The following FBXL20 variants were observed in gnomAD, a reference collection of about 807,000 sequenced individuals.
The protein encoded by FBXL20 is F-box/LRR-repeat protein 20.
Under a neutral mutation model 64.0 loss-of-function variants are expected in FBXL20, and 11 were observed. That is an observed-to-expected ratio of 0.17 (90% CI 0.11 to 0.28). The LOEUF (loss-of-function observed/expected upper bound fraction) is 0.28. Among genes scored for constraint, FBXL20 ranks in the 10% least tolerant of loss-of-function variants. The probability of loss-of-function intolerance (pLI) is 1.00; values close to 1 mark genes in which losing one functional copy is unlikely to be tolerated. For missense variants in FBXL20, 303 were observed against 526.2 expected (o/e 0.58, Z 4.15); for synonymous variants, 184 against 189.0 (o/e 0.97, Z 0.22).
chr17:39,264,520 G>T, intron 13 of FBXL20, 133 bp from the exon 14 acceptor site: 1 of 897,148 alleles, frequency 1.1e-6, no homozygotes, highest in Non-Finnish European at 1.7e-6. Flanking sequence ...AGATCCACGT[G>T]GTGAAATTTA....
At chr17:39,388,255 G>C (rs2048100978) in intron 1 of FBXL20, among the ~76,000 whole-genome samples, 1 of 151,996 alleles carries the variant, frequency 6.6e-6, no homozygotes, top group South Asian at 2.1e-4. Flanking sequence ...TCAGGAGTTT[G>C]AGACCAGCCT....
At chr17:39,269,071 G>A (rs113912217) in intron 11 of FBXL20, among the ~76,000 whole-genome samples, 200 bp from the exon 12 acceptor site, 10,452 of 152,128 alleles carry the variant, frequency 0.069, 353 homozygotes, top group Non-Finnish European at 0.078. Context: ...GTGCAGTGGT[G>A]AAATCATGGC....
Position 39,256,151 on chromosome 17 carries a change from T to C in FBXL20, c.*5309A>G, listed in dbSNP as rs775494897. ...GCCTGGCCAACATGGCAAAACCCCA[T>C]CTCTATGAAAAATACAAACATTAGC... On this transcript the variant is annotated 3_prime_UTR_variant, in exon 15 of 15. Transcript: ENST00000264658. 2 of 151,822 alleles carry C rather than the reference T, an allele frequency of 1.3e-5. No individual in the cohort carries two copies. The highest frequency in any genetic ancestry group is 4.8e-5 in the African/African-American group (2 of 41,328). 9.4% of individuals were successfully genotyped at this position (151,822 alleles called of 1,614,324 possible).
At chr17:39,399,477 A>G (rs1214725962) in intron 1 of FBXL20, among the ~76,000 whole-genome samples, 1 of 152,248 alleles carries the variant, frequency 6.6e-6, no homozygotes, top group East Asian at 1.9e-4. Context: ...GAAGTACTCA[A>G]TGAACTTCAT....
chr17:39,370,316 C>A (rs2047903969), intron 1 of FBXL20, among the ~76,000 whole-genome samples: 1 of 149,930 alleles, frequency 6.7e-6, no homozygotes, highest in Non-Finnish European at 1.5e-5. Flanking sequence ...CATGGCAAAA[C>A]CCAGTCTCTA....
intron 1 of FBXL20, among the ~76,000 whole-genome samples, chr17:39,364,470 G>A (rs1056559840): frequency 3.9e-5 from 6 of 152,134 alleles, no homozygotes; most frequent in South Asian, 2.1e-4. Flanking sequence ...TTATCTGGGC[G>A]TGGTGGTGCA....
At chr17:39,277,574 G>A (rs1023232343) in intron 9 of FBXL20, among the ~76,000 whole-genome samples, 1 of 151,806 alleles carries the variant, frequency 6.6e-6, no homozygotes, top group South Asian at 2.1e-4. Flanking sequence ...CTAACATGGC[G>A]AAACCCCGTT....
chr17:39,263,278 G>A (rs1187853549), intron 14 of FBXL20, among the ~76,000 whole-genome samples: 1 of 152,204 alleles, frequency 6.6e-6, no homozygotes, highest in African/African-American at 2.4e-5. Flanking sequence ...ACTTCTGAAG[G>A]CCAAGGCAGG....
intron 2 of FBXL20, among the ~76,000 whole-genome samples, chr17:39,327,821 C>G (rs2047422984): frequency 6.6e-6 from 1 of 152,132 alleles, no homozygotes; most frequent in Non-Finnish European, 1.5e-5. Flanking sequence ...CTGCCTCAGC[C>G]TTCCGAGTAG....
intron 2 of FBXL20, 43 bp downstream of exon 2, chr17:39,343,137 A>G: frequency 6.9e-7 from 1 of 1,442,366 alleles, no homozygotes; most frequent in Non-Finnish European, 9.5e-7. Context: ...GGCAAATATG[A>G]CATACACATA....
intron 1 of FBXL20, among the ~76,000 whole-genome samples, chr17:39,374,192 A>C (rs1169087123): frequency 6.6e-6 from 1 of 150,632 alleles, no homozygotes; most frequent in South Asian, 2.1e-4. Context: ...GGCACTGCAC[A>C]CTAGCCTGGG....
At chr17:39,330,931 G>C (rs896701609) in intron 2 of FBXL20, among the ~76,000 whole-genome samples, 1 of 152,186 alleles carries the variant, frequency 6.6e-6, no homozygotes, top group South Asian at 2.1e-4. Flanking sequence ...TGCCAGGCAA[G>C]CCTTTAAAAA....
intron 1 of FBXL20, among the ~76,000 whole-genome samples, chr17:39,345,099 C>T (rs560559668): frequency 5.3e-5 from 8 of 152,306 alleles, no homozygotes; most frequent in South Asian, 2.1e-4. Context: ...GAGAGAAATA[C>T]GTTCCGTCGC....
chr17:39,257,242 A>G lies in FBXL20; in HGVS notation c.*4218T>C, dbSNP rs758443205. On this transcript the variant is annotated 3_prime_UTR_variant, in exon 15 of 15. Coordinates refer to ENST00000264658, the MANE Select transcript of FBXL20 (RefSeq NM_032875.3). ...TGTGATCCACCCACCGTGCCGGGCC[A>G]TAACAATGCATTTTACAAGGCAATT... 8 of 152,220 alleles carry G rather than the reference A, an allele frequency of 5.3e-5. No homozygotes were observed. The highest frequency in any genetic ancestry group is 1.9e-4 in the African/African-American group (8 of 41,454). The allele number at this position is 152,220 out of a possible 1,614,324, so 9.4% of individuals were successfully genotyped here.
chr17:39,395,317 G>C (rs914862040), intron 1 of FBXL20, among the ~76,000 whole-genome samples: 1 of 152,152 alleles, frequency 6.6e-6, no homozygotes, highest in Non-Finnish European at 1.5e-5. Context: ...CCAGCTACTC[G>C]GGAGGATGAG....
intron 2 of FBXL20, among the ~76,000 whole-genome samples, chr17:39,334,447 A>C (rs997414675): frequency 6.6e-6 from 1 of 151,994 alleles, no homozygotes; most frequent in Admixed American, 6.6e-5. Flanking sequence ...CTCTCCGAGA[A>C]ACACCCAAGA....
intron 7 of FBXL20, among the ~76,000 whole-genome samples, chr17:39,283,147 CA>C: frequency 6.6e-6 from 1 of 151,940 alleles, no homozygotes; most frequent in Admixed American, 6.6e-5. Flanking sequence ...GCTCTCTAGA[CA>C]AAAAATGGAA....
chr17:39,316,473 G>A (rs1048922071), intron 2 of FBXL20, among the ~76,000 whole-genome samples: 1 of 152,120 alleles, frequency 6.6e-6, no homozygotes, highest in Non-Finnish European at 1.5e-5. Context: ...GAAAATGTAC[G>A]ATGAGCCTGG....
chr17:39,344,947 C>T (rs1334429702), intron 1 of FBXL20, among the ~76,000 whole-genome samples: 4 of 152,098 alleles, frequency 2.6e-5, no homozygotes, highest in Non-Finnish European at 4.4e-5. Context: ...TTACTCACAA[C>T]GGATACTTTT....
Sources: allele counts gnomAD v4.1 joint callset (sites outside exome capture counted in the v4.1 genomes callset), GRCh38; gene constraint gnomAD v4.1.1; transcripts MANE v1.5; gene names NCBI Gene and HGNC (gene_info 2026-07-23, HGNC 2026-07-21).